Variants in ANOS1 observed in about 807,000 individuals in gnomAD.
The protein encoded by ANOS1 is anosmin-1.
In ANOS1, 6 loss-of-function variants were observed where a neutral mutation model predicts 59.0. The ratio of observed to expected loss-of-function variants is 0.10; its 90% CI spans 0.06 to 0.20. The LOEUF (loss-of-function observed/expected upper bound fraction) is 0.20, where lower values mean the gene tolerates loss of function less well. Ranked by LOEUF, ANOS1 falls within the 10% of genes least tolerant of loss-of-function variation. ANOS1 has a pLI of 1.00. For missense variants in ANOS1, 433 were observed against 542.3 expected (o/e 0.80, Z 2.00); for synonymous variants, 217 against 223.4 (o/e 0.97, Z 0.25).
In ANOS1 at chrX:8,685,384, A is replaced by G. The variant is rs188779219; in HGVS notation, c.255+14314T>C. Among the ~76,000 whole-genome samples the G allele has an allele frequency of 3.4e-3, 370 of 108,970 alleles. 1 individual carries two copies. Among genetic ancestry groups the G allele is most frequent in the Non-Finnish European group, 4.9e-3 (258 of 52,611 alleles). 94.6% of individuals were successfully genotyped at this position (108,970 alleles called of 115,157 possible). A position where few individuals can be genotyped will look rare whatever the true frequency, so the allele number is the denominator to read the frequency against. ...GGGGCTCCTATAACTTAAGGCAGAG[A>G]GAAAGTCTTTCATGGAAACCAACAT... is the stretch of plus-strand genomic sequence containing the variant. On this transcript the variant is annotated intron_variant, in intron 2 of 13. Transcript: ENST00000262648.
chrX:8,684,446 G>C (rs145158821), intron 2 of ANOS1, among the ~76,000 whole-genome samples: 8 of 111,404 alleles, frequency 7.2e-5, no homozygotes, highest in Admixed American at 5.7e-4. Flanking sequence ...ATTCCCCAGA[G>C]TCGGTACACT....
At chrX:8,609,248 A>G (rs1485691390) in intron 3 of ANOS1, among the ~76,000 whole-genome samples, 1 of 111,830 alleles carries the variant, frequency 8.9e-6, no homozygotes, top group Non-Finnish European at 1.9e-5. Context: ...TCCTATAGCT[A>G]AACTTGTTAA....
At position 8,614,677 on chromosome X, in the gene ANOS1, T is replaced by C. The variant is rs186101018; in HGVS notation, c.318+8931A>G. 9.9e-5 allele frequency among the ~76,000 whole-genome samples: 11 copies of C among 110,586 alleles called. No individual in the cohort carries two copies. The East Asian group carries it at 3.1e-3, about 31-fold the overall frequency. ...TCAAAAAAAATTTTTTTACTTAAAT[T>C]TAGTGCTTTTGCAATTTTCATGATA... On this transcript the variant is annotated intron_variant, in intron 3 of 13. Transcript: ENST00000262648.
chrX:8,686,258 C>T (rs193233919), intron 2 of ANOS1, among the ~76,000 whole-genome samples: 304 of 111,982 alleles, frequency 2.7e-3, no homozygotes, highest in African/African-American at 9.3e-3. Context: ...TGGCAACATG[C>T]GCAGCCACAG....
chrX:8,594,770 T>A (rs1237175581), intron 4 of ANOS1, among the ~76,000 whole-genome samples: 1 of 92,266 alleles, frequency 1.1e-5, no homozygotes, highest in East Asian at 3.5e-4. Flanking sequence ...ATATATATTT[T>A]TTTTTTGCAA....
At position 8,558,958 on chromosome X, in the gene ANOS1, T is replaced by TCAGTAATTAGCTCTTTCTGG. The variant is rs1298669113; in HGVS notation, c.1208-4880_1208-4861dup. On this transcript the variant is annotated intron_variant, in intron 8 of 13. Transcript: ENST00000262648. ...TGGGTAATGGAATACAAGAACCCAT[T>TCAGTAATTAGCTCTTTCTGG]CAGTAATTAGCTCTTTCTGGCAGTA... Among the ~76,000 whole-genome samples the TCAGTAATTAGCTCTTTCTGG allele has an allele frequency of 1.2e-4, 14 of 112,363 alleles. No homozygotes were observed. The Admixed American group carries it at 1.3e-3, about 11-fold the overall frequency.
chrX:8,664,259 T>C (rs182284909), intron 2 of ANOS1, among the ~76,000 whole-genome samples: 2,919 of 111,865 alleles, frequency 0.026, 97 homozygotes, highest in African/African-American at 0.09. Flanking sequence ...GGCGCGATCT[T>C]GGCTCACTGC....
intron 8 of ANOS1, 40 bp from the exon 9 acceptor site, chrX:8,554,138 T>C: frequency 9.0e-7 from 1 of 1,108,296 alleles, no homozygotes; most frequent in Non-Finnish European, 1.2e-6. Context: ...TTGTTAAAAG[T>C]AATTATAGAT....
In ANOS1 at chrX:8,530,267, T is replaced by C; in HGVS notation, c.*2728A>G. On this transcript the variant is annotated 3_prime_UTR_variant, in exon 14 of 14. Coordinates refer to ENST00000262648, the MANE Select transcript of ANOS1 (RefSeq NM_000216.4). ...CTGTATTTGATGACAATATTTTTGA[T>C]GAGCTCAATTTTTTAAACAGTCAAT... is the stretch of plus-strand genomic sequence containing the variant. 1 of 112,108 alleles carries C rather than the reference T, an allele frequency of 8.9e-6. No homozygotes were observed. Among genetic ancestry groups the C allele is most frequent in the South Asian group, 3.7e-4 (1 of 2,699 alleles). The allele number at this position is 112,108 out of a possible 1,213,427, so 9.2% of individuals were successfully genotyped here.
At chrX:8,652,200 C>T (rs1480211679) in intron 2 of ANOS1, among the ~76,000 whole-genome samples, 2 of 111,376 alleles carry the variant, frequency 1.8e-5, no homozygotes, top group Non-Finnish European at 3.8e-5. Flanking sequence ...TGGCTTCAGG[C>T]GATCCTCCCA....
intron 2 of ANOS1, among the ~76,000 whole-genome samples, chrX:8,624,235 C>CG (rs1311498496): frequency 9.1e-6 from 1 of 109,923 alleles, no homozygotes; most frequent in Non-Finnish European, 1.9e-5. Context: ...AGGCTGGTCT[C>CG]GAACTCATGA....
chrX:8,597,049 T>C lies in ANOS1; in HGVS notation c.526A>G (p.Lys176Glu), dbSNP rs751115230. 9.9e-6 allele frequency: 12 copies of C among 1,212,014 alleles called. No homozygotes were observed. The South Asian group carries it at 2.1e-4, about 21-fold the overall frequency. ...TGCCCCTTACCTTTGTACAGAGTCTTGGGTACTTGACAGGTGTGTCCACAC... is the reference window on the plus strand; with the variant it reads ...TGCCCCTTACCTTTGTACAGAGTCTCGGGTACTTGACAGGTGTGTCCACAC... ...NGCGHTCQVP[K>E]TLYKGVPLKP... is the part of the protein sequence containing the mutation. The change falls in exon 4 of 14, where the codon AAG (lysine) becomes GAG (glutamate). Residue 176 changes from lysine to glutamate, a missense_variant. Lys to Glu is a moderately conservative substitution (Grantham distance 56). Coordinates refer to ENST00000262648, the MANE Select transcript of ANOS1 (RefSeq NM_000216.4).
At chrX:8,648,721 C>G (rs1931802807) in intron 2 of ANOS1, among the ~76,000 whole-genome samples, 1 of 111,845 alleles carries the variant, frequency 8.9e-6, no homozygotes, top group Non-Finnish European at 1.9e-5. Flanking sequence ...CACTTATTAT[C>G]AAATAGCAAT....
intron 3 of ANOS1, among the ~76,000 whole-genome samples, chrX:8,605,577 C>T (rs1246733367): frequency 5.3e-5 from 5 of 94,536 alleles, no homozygotes; most frequent in Non-Finnish European, 8.1e-5. Flanking sequence ...ACCTGGGAGG[C>T]GGAGGTTGCA....
At chrX:8,696,749 T>C (rs1932690170) in intron 2 of ANOS1, among the ~76,000 whole-genome samples, 1 of 112,473 alleles carries the variant, frequency 8.9e-6, no homozygotes, top group African/African-American at 3.2e-5. Flanking sequence ...GGTTCTTTAT[T>C]AGCATCCCTG....
intron 2 of ANOS1, among the ~76,000 whole-genome samples, chrX:8,675,984 T>C (rs1932332176): frequency 9.1e-6 from 1 of 109,291 alleles, no homozygotes; most frequent in Non-Finnish European, 1.9e-5. Context: ...CTGCATTAGT[T>C]TACTGAGGAT....
At chrX:8,618,010 A>G (rs924363757) in intron 3 of ANOS1, among the ~76,000 whole-genome samples, 1 of 111,070 alleles carries the variant, frequency 9.0e-6, no homozygotes, top group African/African-American at 3.3e-5. Flanking sequence ...AAATGTAACT[A>G]GAAGCTACAC....
intron 3 of ANOS1, among the ~76,000 whole-genome samples, chrX:8,619,327 C>CGG (rs1569065135): frequency 9.0e-5 from 10 of 111,281 alleles, no homozygotes; most frequent in Non-Finnish European, 1.3e-4. Context: ...ATTTATTGGC[C>CGG]GGGCAAGGTG....
At chrX:8,727,586 C>A (rs777749285) in intron 1 of ANOS1, among the ~76,000 whole-genome samples, 1 of 112,427 alleles carries the variant, frequency 8.9e-6, no homozygotes, top group South Asian at 3.7e-4. Flanking sequence ...GGGGAGGCAC[C>A]TGGCTCAATT....
Sources: allele counts gnomAD v4.1 joint callset (sites outside exome capture counted in the v4.1 genomes callset), GRCh38; gene constraint gnomAD v4.1.1; transcripts MANE v1.5; gene names NCBI Gene and HGNC (gene_info 2026-07-23, HGNC 2026-07-21).